The following DLL4 variants were observed in gnomAD, a reference collection of about 807,000 sequenced individuals.
DLL4 encodes the protein delta like canonical Notch ligand 4, also known as delta-like protein 4.
DLL4 carries 7 observed loss-of-function variants against 73.6 expected under a neutral mutation model. The ratio of observed to expected loss-of-function variants is 0.10; its 90% CI spans 0.05 to 0.18. The LOEUF (loss-of-function observed/expected upper bound fraction) is 0.18, where lower values mean the gene tolerates loss of function less well. DLL4 is among the 10% of genes least tolerant of loss of function. The probability of loss-of-function intolerance (pLI) is 1.00; values close to 1 mark genes in which losing one functional copy is unlikely to be tolerated. For synonymous variants in DLL4, 345 were observed against 374.3 expected, an observed-to-expected ratio of 0.92 and a Z score of 0.90; for missense variants, 614 against 929.9, an observed-to-expected ratio of 0.66 and a Z score of 4.42.
Position 40,930,279 on chromosome 15 carries a change from C to T in DLL4, c.336+163C>T. 1.1e-6 allele frequency: 1 copy of T among 912,336 alleles called. No individual in the cohort carries two copies. Among genetic ancestry groups the T allele is most frequent in the Non-Finnish European group, 1.6e-6 (1 of 616,852 alleles). The allele number at this position is 912,336 out of a possible 1,614,324, so 56.5% of individuals were successfully genotyped here. A position where few individuals can be genotyped will look rare whatever the true frequency, so the allele number is the denominator to read the frequency against. On this transcript the variant is annotated intron_variant, in intron 2 of 10. Coordinates refer to ENST00000249749, the MANE Select transcript of DLL4 (RefSeq NM_019074.4). This position sits in a 1 kb window ranked among gnomAD's most constrained non-coding sequence, Gnocchi z 5.7. ...TTCCCGACTCTCTCCTGAGACTGAT[C>T]CCAGAAAAGGCTCTCACCAGTCTCC... is the stretch of plus-strand genomic sequence containing the variant.
Position 40,936,468 on chromosome 15 carries a change from C to T in DLL4, c.1481C>T (p.Thr494Ile), listed in dbSNP as rs1181215112. The change falls in exon 9 of 11, where the codon ACC (threonine) becomes ATC (isoleucine). Residue 494 changes from threonine to isoleucine, a missense_variant. This residue lies in a region of DLL4 where 386 missense variants were observed against 541.3 expected (regional missense o/e 0.71). Transcript: ENST00000249749. ...TCGAGTCCCTGCTTCAACAGGGCCA[C>T]CTGCTACACCGACCTCTCCACAGAC... is the stretch of plus-strand genomic sequence containing the variant. ...CASSPCFNRA[T>I]CYTDLSTDTF... 1.2e-6 allele frequency: 2 copies of T among 1,611,354 alleles called. No individual in the cohort carries two copies. Among genetic ancestry groups the T allele is most frequent in the Non-Finnish European group, 8.5e-7 (1 of 1,179,636 alleles).
intron 9 of DLL4, 47 bp downstream of exon 9, chr15:40,936,977 G>C (rs973478441): frequency 1.4e-6 from 2 of 1,479,472 alleles, no homozygotes; most frequent in African/African-American, 1.4e-5. Context: ...GCCCCGACAT[G>C]GTTCTGCCTA....
chr15:40,932,223 A>C lies in DLL4; in HGVS notation c.711A>C (p.Ala237=), dbSNP rs1190793255. ...HEQNGYCSKP[A]ECLCRPGWQG... is the part of the protein sequence containing the mutation. ...AGAATGGCTACTGCAGCAAGCCAGC[A>C]GAGTGCCTGTGAGTAGGGGACAGGA... The change falls in exon 5 of 11, where the codon GCA becomes GCC. Residue 237 remains alanine (A), a synonymous_variant. Transcript: ENST00000249749. 2.5e-6 allele frequency: 4 copies of C among 1,614,078 alleles called. No individual in the cohort carries two copies. The highest frequency in any genetic ancestry group is 3.4e-6 in the Non-Finnish European group (4 of 1,179,900).
Position 40,934,538 on chromosome 15 carries a change from GT to G in DLL4, c.851-7del. ...GGCCCTGCTCAGCTGCTTGGTTCCTGTTTCTGCAGATCTCAACTACTGCACC... is the reference window on the plus strand; with the variant it reads ...GGCCCTGCTCAGCTGCTTGGTTCCTGTTCTGCAGATCTCAACTACTGCACC... On this transcript the variant is annotated splice_polypyrimidine_tract_variant and intron_variant, in intron 6 of 10. Transcript: ENST00000249749. 6.2e-7 allele frequency: 1 copy of G among 1,613,212 alleles called. No individual in the cohort carries two copies. The highest frequency in any genetic ancestry group is 8.5e-7 in the Non-Finnish European group (1 of 1,179,460).
At chr15:40,932,856 C>T (rs4244583) in intron 6 of DLL4, among the ~76,000 whole-genome samples, 146,444 of 152,320 alleles carry the variant, frequency 0.96, 70,498 homozygotes, top group East Asian at 1. Context: ...AACAGCTGTC[C>T]GGTGGGGTGT....
chr15:40,937,917 G>A (rs1215943531), intron 10 of DLL4, 112 bp from the exon 11 acceptor site: 3 of 1,318,442 alleles, frequency 2.3e-6, no homozygotes, highest in African/African-American at 2.9e-5. Flanking sequence ...TGCCCCACCT[G>A]CCCTTAGCCC....
rs751689452 is a variant in DLL4, at chr15:40,930,707, A to AG, written c.394+31dup. 18 of 1,609,622 alleles carry AG rather than the reference A, an allele frequency of 1.1e-5. No individual in the cohort carries two copies. Among genetic ancestry groups the AG allele is most frequent in the Non-Finnish European group, 1.4e-5 (17 of 1,176,760 alleles). ...GGTGAGTAGCTCGCTCCGCCACCAC[A>AG]GGGGGGCGACACGGCGCAGCGCCGA... On this transcript the variant is annotated intron_variant, in intron 3 of 10. Coordinates refer to ENST00000249749, the MANE Select transcript of DLL4 (RefSeq NM_019074.4). The surrounding 1 kb of genome is among the most constrained non-coding windows in gnomAD (Gnocchi z 5.7).
rs777108179 is a variant in DLL4, at chr15:40,935,009, C to T, written c.1132C>T (p.Arg378Trp). The T allele has an allele frequency of 1.1e-5, 17 of 1,613,546 alleles. No individual in the cohort carries two copies. Among genetic ancestry groups the T allele is most frequent in the East Asian group, 4.5e-5 (2 of 44,888 alleles). Residue 378 changes from arginine to tryptophan, a missense_variant, in exon 8 of 11, where the codon CGG becomes TGG. Physicochemically the swap from Arg to Trp is moderately radical, Grantham distance 101 (BLOSUM62 -3). Coordinates refer to ENST00000249749, the MANE Select transcript of DLL4 (RefSeq NM_019074.4). Reference sequence around the variant, plus strand: ...CCCCTGCTTCAATGGGGGCTCCTGCCGGGAGCGCAACCAGGGGGCCAACTA... The same window carrying T: ...CCCCTGCTTCAATGGGGGCTCCTGCTGGGAGCGCAACCAGGGGGCCAACTA... Reference protein sequence around the residue: ...DSPCFNGGSCRERNQGANYAC... With the variant: ...DSPCFNGGSCWERNQGANYAC...
At chr15:40,935,824 A>G (rs770661882) in intron 8 of DLL4, among the ~76,000 whole-genome samples, 3 of 152,190 alleles carry the variant, frequency 2.0e-5, no homozygotes, top group Non-Finnish European at 4.4e-5. Context: ...TATACCAAAC[A>G]TGGGCTCTTG....
Position 40,936,653 on chromosome 15 carries a change from C to T in DLL4, c.1666C>T (p.Arg556Trp), listed in dbSNP as rs369740396. The T allele has an allele frequency of 5.0e-6, 8 of 1,611,662 alleles. No individual in the cohort carries two copies. Among genetic ancestry groups the T allele is most frequent in the Middle Eastern group, 1.6e-4 (1 of 6,062 alleles). The part of the protein sequence containing the change: ...GMVAVAVRQL[R>W]LRRPDDGSRE... ...GGTGGCAGTGGCTGTGCGGCAGCTGCGGCTTCGACGGCCGGACGACGGCAG... is the reference window on the plus strand; with the variant it reads ...GGTGGCAGTGGCTGTGCGGCAGCTGTGGCTTCGACGGCCGGACGACGGCAG... The change falls in exon 9 of 11, where the codon CGG becomes TGG. Residue 556 changes from arginine to tryptophan, a missense_variant. Physicochemically the swap from Arg to Trp is moderately radical, Grantham distance 101 (BLOSUM62 -3). Coordinates refer to ENST00000249749, the MANE Select transcript of DLL4 (RefSeq NM_019074.4).
rs750346321 is a variant in DLL4 at position 40,936,313 on chromosome 15, C to T, written c.1326C>T (p.Ser442=). Residue 442 remains serine, a synonymous_variant, in exon 9 of 11, where the codon AGC becomes AGT. Coordinates refer to ENST00000249749, the MANE Select transcript of DLL4 (RefSeq NM_019074.4). ...FTGTYCELHV[S]DCARNPCAHG... ...GCACCTACTGTGAACTCCACGTCAG[C>T]GACTGTGCCCGTAACCCTTGCGCCC... 3.2e-5 allele frequency: 52 copies of T among 1,608,804 alleles called. No individual in the cohort carries two copies. Among genetic ancestry groups the T allele is most frequent in the Middle Eastern group, 1.6e-4 (1 of 6,064 alleles).
At chr15:40,937,871 G>T (rs920287424) in intron 10 of DLL4, among the ~76,000 whole-genome samples, 158 bp from the exon 11 acceptor site, 1 of 152,152 alleles carries the variant, frequency 6.6e-6, no homozygotes, top group Admixed American at 6.5e-5. Flanking sequence ...AAGCTCCCAG[G>T]CCCGTGTGTG....
chr15:40,938,145 C>A lies in DLL4; in HGVS notation c.*111C>A. On this transcript the variant is annotated 3_prime_UTR_variant, in exon 11 of 11. Transcript: ENST00000249749. ...TTTTTCATATGCAACGTGCTGCTCT[C>A]AGGAGGAGGAGGGAATGGCAGGAAC... The A allele has an allele frequency of 8.1e-7, 1 of 1,238,776 alleles. No individual in the cohort carries two copies. Among genetic ancestry groups the A allele is most frequent in the Non-Finnish European group, 1.1e-6 (1 of 929,096 alleles). The allele number at this position is 1,238,776 out of a possible 1,614,324, so 76.7% of individuals were successfully genotyped here. A position where few individuals can be genotyped will look rare whatever the true frequency, so the allele number is the denominator to read the frequency against.
chr15:40,930,954 C>A lies in DLL4; in HGVS notation c.394+272C>A. On this transcript the variant is annotated intron_variant, in intron 3 of 10. Coordinates refer to ENST00000249749, the MANE Select transcript of DLL4 (RefSeq NM_019074.4). This position sits in a 1 kb window ranked among gnomAD's most constrained non-coding sequence, Gnocchi z 5.7. ...TGCCAGCGCCGCTGACGGGCCCCTT[C>A]CTGTATTTTACACCTTTCGCGAATT... is the stretch of plus-strand genomic sequence containing the variant. 1.8e-6 allele frequency: 1 copy of A among 569,362 alleles called. No individual in the cohort carries two copies. Among genetic ancestry groups the A allele is most frequent in the Admixed American group, 3.2e-5 (1 of 31,304 alleles). The allele number at this position is 569,362 out of a possible 1,614,324, so 35.3% of individuals were successfully genotyped here.
intron 8 of DLL4, 145 bp from the exon 9 acceptor site, chr15:40,936,083 C>A: frequency 1.5e-6 from 1 of 663,216 alleles, no homozygotes; most frequent in Non-Finnish European, 2.5e-6. Context: ...AACTCCAGGT[C>A]TCCTGACTCT....
At position 40,930,015 on chromosome 15, in the gene DLL4, G is replaced by T. The variant is rs753212508; in HGVS notation, c.235G>T (p.Val79Phe). ...VSPGPCTFGT[V>F]STPVLGTNSF... ...GCCCGGACCCTGCACCTTCGGGACC[G>T]TCTCCACGCCGGTATTGGGCACCAA... The change falls in exon 2 of 11, where the codon GTC (valine) becomes TTC (phenylalanine). Residue 79 changes from valine to phenylalanine, a missense_variant. Physicochemically the swap from Val to Phe is conservative, Grantham distance 50. Transcript: ENST00000249749. The surrounding 1 kb of genome is among the most constrained non-coding windows in gnomAD (Gnocchi z 5.7). 6.2e-7 allele frequency: 1 copy of T among 1,612,898 alleles called. No individual in the cohort carries two copies. Among genetic ancestry groups the T allele is most frequent in the Non-Finnish European group, 8.5e-7 (1 of 1,179,678 alleles).
chr15:40,930,598 T>C lies in DLL4; in HGVS notation c.337-27T>C, dbSNP rs1892753656. ...CTCCCCGCTTGCTCATCTCGCCATCTCTCCGTCCCCCCACCCCCTTTCCCA... is the reference window on the plus strand; with the variant it reads ...CTCCCCGCTTGCTCATCTCGCCATCCCTCCGTCCCCCCACCCCCTTTCCCA... On this transcript the variant is annotated intron_variant, in intron 2 of 10. Transcript: ENST00000249749. The surrounding 1 kb of genome is among the most constrained non-coding windows in gnomAD (Gnocchi z 5.7). The C allele has an allele frequency of 6.2e-7, 1 of 1,611,114 alleles. No individual in the cohort carries two copies.
chr15:40,936,957 C>T (rs755796827), intron 9 of DLL4, 27 bp downstream of exon 9: 1 of 1,533,612 alleles, frequency 6.5e-7, no homozygotes, highest in Non-Finnish European at 8.8e-7. Flanking sequence ...AGCCCAGGGC[C>T]TGGCCACCGG....
At position 40,938,964 on chromosome 15, in the gene DLL4, G is replaced by A. The variant is rs1892882898; in HGVS notation, c.*930G>A. On this transcript the variant is annotated 3_prime_UTR_variant, in exon 11 of 11. Transcript: ENST00000249749. ...TTTTTTTTTTTTGTAGTTTATTTTG[G>A]AGTCTAGTATTTCAATAATTTAAGA... The A allele has an allele frequency of 6.7e-6, 1 of 149,038 alleles. No individual in the cohort carries two copies. Among genetic ancestry groups the A allele is most frequent in the African/African-American group, 2.5e-5 (1 of 40,358 alleles). 9.2% of individuals were successfully genotyped at this position (149,038 alleles called of 1,614,324 possible).
Sources: allele counts gnomAD v4.1 joint callset (sites outside exome capture counted in the v4.1 genomes callset), GRCh38; gene constraint gnomAD v4.1.1; regional missense constraint gnomAD v4.1.1; non-coding constraint Gnocchi (gnomAD v3.1); transcripts MANE v1.5; gene names NCBI Gene and HGNC (gene_info 2026-07-23, HGNC 2026-07-21).